The following ADAMTS7 variants were observed in gnomAD, a reference collection of about 807,000 sequenced individuals.
The protein encoded by ADAMTS7 is ADAM metallopeptidase with thrombospondin type 1 motif 7, also known as A disintegrin and metalloproteinase with thrombospondin motifs 7.
In ADAMTS7, 89 loss-of-function variants were observed where a neutral mutation model predicts 172.6. That is an observed-to-expected ratio of 0.52 (90% CI 0.43 to 0.61). The LOEUF is 0.61. Among genes scored for constraint, ADAMTS7 ranks in the 20% least tolerant of loss-of-function variants. The pLI is 0.00. For missense variants in ADAMTS7, 1,973 were observed against 2,355.6 expected (o/e 0.84, Z 3.36); for synonymous variants, 885 against 978.4 (o/e 0.90, Z 1.78).
chr15:78,795,535 C>A (rs1046814234), intron 4 of ADAMTS7, among the ~76,000 whole-genome samples: 4 of 152,178 alleles, frequency 2.6e-5, no homozygotes, highest in African/African-American at 9.7e-5. Context: ...GGGGGCCAGA[C>A]ACTGCATGAT....
At chr15:78,784,142 G>A (rs2055469308) in intron 8 of ADAMTS7, among the ~76,000 whole-genome samples, 1 of 152,068 alleles carries the variant, frequency 6.6e-6, no homozygotes, top group South Asian at 2.1e-4. Flanking sequence ...GCTGAGGGAG[G>A]AGTCCAGAAG....
intron 2 of ADAMTS7, 75 bp from the exon 3 acceptor site, chr15:78,798,188 TC>T: frequency 7.0e-7 from 1 of 1,424,010 alleles, no homozygotes; most frequent in East Asian, 2.6e-5. Context: ...CAGAGGCCCG[TC>T]CTGCTCAGCT....
intron 4 of ADAMTS7, 59 bp from the exon 5 acceptor site, chr15:78,791,282 G>GCCCCCGGGCCCCCCCCCC: frequency 6.7e-7 from 1 of 1,488,260 alleles, no homozygotes; most frequent in East Asian, 2.3e-5. Context: ...AGCAGCCAAT[G>GCCCCCGGGCCCCCCCCCC]CCCACCCCAA....
chr15:78,791,116 G>T, intron 5 of ADAMTS7, 24 bp downstream of exon 5: 1 of 1,607,562 alleles, frequency 6.2e-7, no homozygotes, highest in Non-Finnish European at 8.5e-7. Context: ...TTGCCGGGCA[G>T]CGTGGGACCA....
chr15:78,792,695 C>A (rs2055596627), intron 4 of ADAMTS7, among the ~76,000 whole-genome samples: 1 of 152,176 alleles, frequency 6.6e-6, no homozygotes, highest in Non-Finnish European at 1.5e-5. Context: ...TGCCTGTAAT[C>A]CCAGCCCCCT....
chr15:78,765,705 C>G lies in ADAMTS7; in HGVS notation c.4206G>C (p.Gly1402=), dbSNP rs201211606. The G allele has an allele frequency of 7.5e-4, 1,215 of 1,610,502 alleles. 1 individual carries two copies. The highest frequency in any genetic ancestry group is 9.4e-4 in the Non-Finnish European group (1,113 of 1,179,674). The change falls in exon 19 of 24, where the codon GGG becomes GGC. Residue 1402 remains glycine, a synonymous_variant. Coordinates refer to ENST00000388820, the MANE Select transcript of ADAMTS7 (RefSeq NM_014272.5). ...TGACAACCAACGGGTCCGCGGGGGGCCCCGCTTCAGCCAGGCTGGGAGCCA... is the reference window on the plus strand; with the variant it reads ...TGACAACCAACGGGTCCGCGGGGGGGCCCGCTTCAGCCAGGCTGGGAGCCA... ...QPLAPSLAEA[G]PPADPLVVRN...
chr15:78,771,968 G>A lies in ADAMTS7; in HGVS notation c.2132-139C>T, dbSNP rs1404866819. On this transcript the variant is annotated intron_variant, in intron 14 of 23. Coordinates refer to ENST00000388820, the MANE Select transcript of ADAMTS7 (RefSeq NM_014272.5). This position sits in a 1 kb window ranked among gnomAD's most constrained non-coding sequence, Gnocchi z 4.9. The stretch of plus-strand genomic sequence containing the variant: ...AAAGTCTGAGCTCCCTAAATTGCTC[G>A]GATCTGTCATGGGTCACCAAAACCT... The A allele has an allele frequency of 1.0e-4, 133 of 1,317,626 alleles. 1 individual carries two copies. Among genetic ancestry groups the A allele is most frequent in the East Asian group, 6.8e-4 (27 of 39,960 alleles). 81.6% of individuals were successfully genotyped at this position (1,317,626 alleles called of 1,614,324 possible).
chr15:78,774,920 G>A (rs143437758), intron 11 of ADAMTS7, 127 bp from the exon 12 acceptor site: 20 of 1,204,508 alleles, frequency 1.7e-5, no homozygotes, highest in East Asian at 5.2e-5. Context: ...CTTTGTGCAC[G>A]CTGCTCCCCT....
intron 6 of ADAMTS7, among the ~76,000 whole-genome samples, chr15:78,790,249 G>A (rs1486979805): frequency 1.3e-5 from 2 of 152,132 alleles, no homozygotes; most frequent in Admixed American, 6.5e-5. Flanking sequence ...AGACTGTGGG[G>A]GTGGGTAGGT....
chr15:78,805,590 G>T (rs577119919), intron 1 of ADAMTS7, among the ~76,000 whole-genome samples: 34 of 152,310 alleles, frequency 2.2e-4, no homozygotes, highest in African/African-American at 7.5e-4. Context: ...GTAAAGAATG[G>T]AAAAGTGGGA....
chr15:78,762,093 G>A (rs191625845), intron 23 of ADAMTS7: 1 of 984,562 alleles, frequency 1.0e-6, no homozygotes, highest in African/African-American at 1.7e-5. Context: ...AGACCTAGAG[G>A]AGAAAGAGCT....
chr15:78,763,528 G>A (rs377248901), intron 22 of ADAMTS7, among the ~76,000 whole-genome samples, 171 bp downstream of exon 22: 1 of 152,308 alleles, frequency 6.6e-6, no homozygotes, highest in East Asian at 1.9e-4. Flanking sequence ...CCCTTTCCTT[G>A]TCTGTTTCTC....
At chr15:78,763,222 A>T (rs959884841) in intron 22 of ADAMTS7, among the ~76,000 whole-genome samples, 10 of 152,212 alleles carry the variant, frequency 6.6e-5, no homozygotes, top group Non-Finnish European at 1.3e-4. Context: ...CAAAGACGCA[A>T]ACGCTGGCCC....
chr15:78,798,015 C>T lies in ADAMTS7; in HGVS notation c.555G>A (p.Lys185=). Reference sequence around the variant, plus strand: ...GTGCCAGCCTCTCCGGGGCCTGACGCTTGTACACCACATGGGGCTGGGCGT... The same window carrying T: ...GTGCCAGCCTCTCCGGGGCCTGACGTTTGTACACCACATGGGGCTGGGCGT... The part of the protein sequence containing the change: ...PGHAQPHVVY[K]RQAPERLAQR... Residue 185 remains lysine, a synonymous_variant, in exon 3 of 24, where the codon AAG becomes AAA. Coordinates refer to ENST00000388820, the MANE Select transcript of ADAMTS7 (RefSeq NM_014272.5). The T allele has an allele frequency of 6.3e-7, 1 of 1,582,808 alleles. No homozygotes were observed. Among genetic ancestry groups the T allele is most frequent in the African/African-American group, 1.4e-5 (1 of 72,460 alleles).
intron 13 of ADAMTS7, among the ~76,000 whole-genome samples, chr15:78,773,733 C>T (rs1385245455): frequency 6.6e-6 from 1 of 152,104 alleles, no homozygotes; most frequent in Non-Finnish European, 1.5e-5. Context: ...GAGGGCTACT[C>T]TTTGCGGCTC....
intron 4 of ADAMTS7, among the ~76,000 whole-genome samples, chr15:78,795,194 C>T (rs1237815590): frequency 6.6e-6 from 1 of 152,238 alleles, no homozygotes; most frequent in Non-Finnish European, 1.5e-5. Flanking sequence ...CTTGGCCTTG[C>T]CCCTTGCTCC....
chr15:78,806,121 CACACACAAAAAAA>C lies in ADAMTS7; in HGVS notation c.100+4987_100+4999del, dbSNP rs2055788979. 2.2e-4 allele frequency among the ~76,000 whole-genome samples: 5 copies of C among 22,632 alleles called. No individual in the cohort carries two copies. The East Asian group carries it at 4.5e-3, about 21-fold the overall frequency. The allele number at this position is 22,632 out of a possible 152,430, so 14.8% of individuals were successfully genotyped here. On this transcript the variant is annotated intron_variant, in intron 1 of 23. Transcript: ENST00000388820. ...ACACACACACACACACACACACACA[CACACACAAAAAAA>C]AAAAAAAAAAAAAAAAAAAAACAGA...
At chr15:78,811,030 G>C (rs1217453482) in intron 1 of ADAMTS7, 91 bp downstream of exon 1, 4 of 1,192,938 alleles carry the variant, frequency 3.4e-6, no homozygotes, top group Non-Finnish European at 4.2e-6. Flanking sequence ...AGCCGGCGCG[G>C]GGTCCACAAA....
At chr15:78,773,743 C>A (rs1470908975) in intron 13 of ADAMTS7, among the ~76,000 whole-genome samples, 1 of 152,106 alleles carries the variant, frequency 6.6e-6, no homozygotes, top group Non-Finnish European at 1.5e-5. Context: ...CTTTGCGGCT[C>A]AGAGCCCTCT....
Sources: gnomAD v4.1 joint callset for allele counts (sites outside exome capture counted in the v4.1 genomes callset) on GRCh38, gnomAD v4.1.1 for gene constraint, Gnocchi (gnomAD v3.1) non-coding constraint, MANE v1.5 for transcripts, NCBI Gene and HGNC (gene_info 2026-07-23, HGNC 2026-07-21) for gene names.